Variants in PALS2 observed in about 807,000 individuals in gnomAD.
The protein encoded by PALS2 is protein associated with LIN7 2, MAGUK p55 family member.
A neutral mutation model predicts 61.6 loss-of-function variants in PALS2; 27 were observed. The observed-to-expected ratio is 0.44, with a 90% CI of 0.32 to 0.60. The LOEUF (loss-of-function observed/expected upper bound fraction) is 0.60. Ranked by LOEUF, PALS2 falls within the 20% of genes least tolerant of loss-of-function variation. PALS2 has a pLI of 0.05. For synonymous variants in PALS2, 236 were observed against 218.6 expected, an observed-to-expected ratio of 1.08 and a Z score of -0.70; for missense variants, 554 against 639.4, an observed-to-expected ratio of 0.87 and a Z score of 1.44.
chr7:24,616,351 C>T (rs1784293031), intron 1 of PALS2, among the ~76,000 whole-genome samples: 2 of 152,074 alleles, frequency 1.3e-5, no homozygotes, highest in South Asian at 4.1e-4. Flanking sequence ...AGTAAGGTTT[C>T]AGAATACAAA....
At chr7:24,649,525 T>C in intron 3 of PALS2, 87 bp from the exon 4 acceptor site, 3 of 1,279,210 alleles carry the variant, frequency 2.3e-6, no homozygotes, top group Non-Finnish European at 3.1e-6. Flanking sequence ...TAGTACTCCA[T>C]TGGAATAATG....
At chr7:24,662,226 G>A (rs796935675) in intron 5 of PALS2, among the ~76,000 whole-genome samples, 37 of 152,030 alleles carry the variant, frequency 2.4e-4, no homozygotes, top group East Asian at 3.9e-4. Flanking sequence ...CCCAGATTTC[G>A]TTATTTTAAA....
At chr7:24,640,662 A>T (rs1785483870) in intron 2 of PALS2, among the ~76,000 whole-genome samples, 1 of 152,182 alleles carries the variant, frequency 6.6e-6, no homozygotes, top group South Asian at 2.1e-4. Flanking sequence ...CTTAGTGTTC[A>T]TTCTCAATTT....
chr7:24,636,787 T>TGTGTG (rs763994660), intron 2 of PALS2, among the ~76,000 whole-genome samples: 9,612 of 152,266 alleles, frequency 0.063, 344 homozygotes, highest in African/African-American at 0.093. Context: ...TATTGATTTG[T>TGTGTG]AGAAGTCCTT....
intron 3 of PALS2, among the ~76,000 whole-genome samples, chr7:24,644,520 A>G (rs1176016426): frequency 2.6e-5 from 4 of 151,752 alleles, no homozygotes; most frequent in African/African-American, 9.7e-5. Context: ...ATATATATAT[A>G]TATCACATTT....
At chr7:24,674,551 A>G (rs1159780920) in intron 9 of PALS2, 1 of 152,238 alleles carries the variant, frequency 6.6e-6, no homozygotes, top group South Asian at 2.1e-4. Context: ...ATGCTGCTGG[A>G]CAACTGGCAC....
At chr7:24,587,422 C>G (rs952228956) in intron 1 of PALS2, among the ~76,000 whole-genome samples, 31 of 152,082 alleles carry the variant, frequency 2.0e-4, no homozygotes, top group African/African-American at 7.5e-4. Context: ...CTCTGTCACC[C>G]AGTCGAGTAC....
rs1451379326 is a variant in PALS2 at position 24,638,552 on chromosome 7, C to T, written c.118-3164C>T. On this transcript the variant is annotated intron_variant, in intron 2 of 11. Coordinates refer to ENST00000222644, the MANE Select transcript of PALS2 (RefSeq NM_001303037.2). Reference sequence around the variant, plus strand: ...TTCACCGTTTTAGCCGGGATGGTCTCGATCTCCTGACCTCGTGATCCGCCC... The same window carrying T: ...TTCACCGTTTTAGCCGGGATGGTCTTGATCTCCTGACCTCGTGATCCGCCC... Among the ~76,000 whole-genome samples the T allele has an allele frequency of 6.5e-5, 3 of 46,168 alleles. 1 individual carries two copies. The highest frequency in any genetic ancestry group is 6.5e-4 in the African/African-American group (1 of 1,546). 30.3% of individuals were successfully genotyped at this position (46,168 alleles called of 152,430 possible). A position where few individuals can be genotyped will look rare whatever the true frequency, so the allele number is the denominator to read the frequency against.
chr7:24,660,303 TC>T (rs765154572), intron 5 of PALS2, among the ~76,000 whole-genome samples: 171 of 152,246 alleles, frequency 1.1e-3, no homozygotes, highest in Middle Eastern at 6.8e-3. Context: ...TCTGAATCCT[TC>T]CCACTACCAA....
At chr7:24,595,714 A>G (rs891640651) in intron 1 of PALS2, among the ~76,000 whole-genome samples, 1 of 150,832 alleles carries the variant, frequency 6.6e-6, no homozygotes, top group African/African-American at 2.4e-5. Flanking sequence ...GAGTACTGTG[A>G]TGAAAATGAA....
At chr7:24,669,426 CTT>C (rs1562655132) in intron 9 of PALS2, among the ~76,000 whole-genome samples, 1 of 152,144 alleles carries the variant, frequency 6.6e-6, no homozygotes, top group East Asian at 1.9e-4. Flanking sequence ...AAACATTTGT[CTT>C]TGTTTTTGAA....
chr7:24,610,075 A>G (rs1202288525), intron 1 of PALS2, among the ~76,000 whole-genome samples: 1 of 152,152 alleles, frequency 6.6e-6, no homozygotes, highest in Non-Finnish European at 1.5e-5. Context: ...AAACCCATCA[A>G]ATAAAGAGTT....
intron 1 of PALS2, among the ~76,000 whole-genome samples, chr7:24,595,236 A>G (rs1783454568): frequency 6.6e-6 from 1 of 151,458 alleles, no homozygotes; most frequent in African/African-American, 2.4e-5. Flanking sequence ...CTATTAAGAT[A>G]GGCAATACGG....
At chr7:24,590,597 TC>T (rs1446192721) in intron 1 of PALS2, among the ~76,000 whole-genome samples, 1 of 152,128 alleles carries the variant, frequency 6.6e-6, no homozygotes, top group East Asian at 1.9e-4. Context: ...CTTATTGTCT[TC>T]CTTGGCCAAC....
chr7:24,585,067 C>T (rs1180225180), intron 1 of PALS2, among the ~76,000 whole-genome samples: 2 of 151,968 alleles, frequency 1.3e-5, no homozygotes, highest in Non-Finnish European at 2.9e-5. Flanking sequence ...TTACTGTAGC[C>T]TTGTAGTATA....
At chr7:24,680,634 C>T in intron 11 of PALS2, 114 bp downstream of exon 11, 1 of 1,326,914 alleles carries the variant, frequency 7.5e-7, no homozygotes, top group South Asian at 1.6e-5. Flanking sequence ...TTTGCTTTGT[C>T]ACCCAGGCTG....
At chr7:24,615,131 AC>A (rs1374077231) in intron 1 of PALS2, among the ~76,000 whole-genome samples, 1 of 152,010 alleles carries the variant, frequency 6.6e-6, no homozygotes, top group Non-Finnish European at 1.5e-5. Context: ...CCTGTGAGAT[AC>A]AGCAAAAGCA....
At chr7:24,647,655 C>T (rs1353334696) in intron 3 of PALS2, among the ~76,000 whole-genome samples, 4 of 152,176 alleles carry the variant, frequency 2.6e-5, no homozygotes, top group Non-Finnish European at 5.9e-5. Flanking sequence ...CTGCTTAGTG[C>T]ATTTCTACTG....
At chr7:24,631,669 A>T (rs977818994) in intron 2 of PALS2, among the ~76,000 whole-genome samples, 1 of 152,166 alleles carries the variant, frequency 6.6e-6, no homozygotes, top group Non-Finnish European at 1.5e-5. Context: ...CAATGTGGCA[A>T]ACCTTATTAT....
Sources: allele counts gnomAD v4.1 joint callset (sites outside exome capture counted in the v4.1 genomes callset), GRCh38; gene constraint gnomAD v4.1.1; transcripts MANE v1.5; gene names NCBI Gene and HGNC (gene_info 2026-07-23, HGNC 2026-07-21).